Variants in PEX14 observed in about 807,000 individuals in gnomAD.
PEX14 encodes peroxisomal membrane protein PEX14.
In PEX14, 15 loss-of-function variants were observed where a neutral mutation model predicts 49.5. That is an observed-to-expected ratio of 0.30 (90% CI 0.20 to 0.47). The LOEUF (loss-of-function observed/expected upper bound fraction) is 0.47, where lower values mean the gene tolerates loss of function less well. PEX14 is among the 20% of genes least tolerant of loss of function. The pLI, the probability that PEX14 is intolerant of heterozygous loss-of-function variation, is 1.00. For synonymous variants in PEX14, 210 were observed against 212.7 expected, an observed-to-expected ratio of 0.99 and a Z score of 0.11; for missense variants, 398 against 494.8, an observed-to-expected ratio of 0.80 and a Z score of 1.86.
chr1:10,566,149 G>C (rs999948249), intron 3 of PEX14, among the ~76,000 whole-genome samples: 1 of 152,176 alleles, frequency 6.6e-6, no homozygotes, highest in African/African-American at 2.4e-5. Flanking sequence ...TTGTTTTTCA[G>C]TTGTTCTCAG....
chr1:10,490,983 C>T (rs1641460862), intron 1 of PEX14, among the ~76,000 whole-genome samples: 1 of 151,852 alleles, frequency 6.6e-6, no homozygotes, highest in Admixed American at 6.6e-5. Context: ...GTGTGAACCA[C>T]CATGCCCGGC....
At chr1:10,595,984 G>A (rs1406653241) in intron 3 of PEX14, among the ~76,000 whole-genome samples, 1 of 152,200 alleles carries the variant, frequency 6.6e-6, no homozygotes, top group African/African-American at 2.4e-5. Context: ...CTCAATCTAA[G>A]ATCAGCAGTT....
intron 3 of PEX14, among the ~76,000 whole-genome samples, chr1:10,592,056 CT>C (rs1213287252): frequency 6.6e-6 from 1 of 152,072 alleles, no homozygotes; most frequent in Non-Finnish European, 1.5e-5. Flanking sequence ...AAGTTGATTC[CT>C]TTTTTTAAAC....
intron 3 of PEX14, among the ~76,000 whole-genome samples, chr1:10,569,663 C>A (rs1443416445): frequency 2.0e-5 from 3 of 152,138 alleles, no homozygotes; most frequent in Admixed American, 2.0e-4. Context: ...TTTTTTAGAT[C>A]CAGTATCTGA....
chr1:10,582,774 C>T (rs1334344280), intron 3 of PEX14, among the ~76,000 whole-genome samples: 1 of 152,180 alleles, frequency 6.6e-6, no homozygotes, highest in Non-Finnish European at 1.5e-5. Context: ...CACTCTGTAG[C>T]CCAGGCTGGA....
At chr1:10,559,655 G>C (rs997060720) in intron 3 of PEX14, among the ~76,000 whole-genome samples, 3 of 152,138 alleles carry the variant, frequency 2.0e-5, no homozygotes, top group African/African-American at 7.2e-5. Flanking sequence ...TGAGTGGAAA[G>C]GGCAAGTTTT....
intron 2 of PEX14, among the ~76,000 whole-genome samples, chr1:10,508,909 A>G (rs942037247): frequency 1.3e-5 from 2 of 151,236 alleles, no homozygotes; most frequent in Non-Finnish European, 2.9e-5. Context: ...TCCACTGCAG[A>G]GAGTGGCATT....
At chr1:10,627,423 CTG>C in intron 8 of PEX14, 60 bp downstream of exon 8, 1 of 1,220,206 alleles carries the variant, frequency 8.2e-7, no homozygotes. Context: ...ACTGGGAGCT[CTG>C]GGGCATGGGA....
At chr1:10,501,801 C>T (rs569934037) in intron 2 of PEX14, among the ~76,000 whole-genome samples, 10 of 152,018 alleles carry the variant, frequency 6.6e-5, no homozygotes, top group Non-Finnish European at 1.2e-4. Context: ...GCCTGTAGTC[C>T]TTGGGAGGCT....
At chr1:10,505,658 T>G (rs1188511044) in intron 2 of PEX14, among the ~76,000 whole-genome samples, 1 of 151,382 alleles carries the variant, frequency 6.6e-6, no homozygotes, top group African/African-American at 2.4e-5. Flanking sequence ...ATTACAGGTG[T>G]GAGCCACCCG....
At chr1:10,563,959 C>T (rs1206787078) in intron 3 of PEX14, among the ~76,000 whole-genome samples, 1 of 151,686 alleles carries the variant, frequency 6.6e-6, no homozygotes, top group African/African-American at 2.4e-5. Flanking sequence ...CTTCTATTGT[C>T]ATCTTTCAGT....
intron 3 of PEX14, among the ~76,000 whole-genome samples, chr1:10,564,371 C>T (rs1199049274): frequency 6.6e-6 from 1 of 151,470 alleles, no homozygotes; most frequent in Non-Finnish European, 1.5e-5. Flanking sequence ...GCTGTTAAAC[C>T]TGTCTGTTGA....
intron 1 of PEX14, among the ~76,000 whole-genome samples, chr1:10,486,869 A>T (rs928355658): frequency 1.3e-5 from 2 of 151,646 alleles, no homozygotes; most frequent in Non-Finnish European, 2.9e-5. Context: ...TTGTGTTTTT[A>T]GTAGAGATGG....
At chr1:10,534,741 T>C (rs566270755) in intron 2 of PEX14, among the ~76,000 whole-genome samples, 1 of 152,298 alleles carries the variant, frequency 6.6e-6, no homozygotes, top group African/African-American at 2.4e-5. Flanking sequence ...CAAGGGACAC[T>C]AGTATGTCCT....
chr1:10,526,995 C>T (rs1166091581), intron 2 of PEX14, among the ~76,000 whole-genome samples: 1 of 152,046 alleles, frequency 6.6e-6, no homozygotes, highest in Non-Finnish European at 1.5e-5. Context: ...GGGCAGATCA[C>T]TTGAGGTTAG....
rs2506893 is a variant in PEX14 at position 10,539,156 on chromosome 1, T to G, written c.169+2859T>G. On this transcript the variant is annotated intron_variant, in intron 3 of 8. Coordinates refer to ENST00000356607, the MANE Select transcript of PEX14 (RefSeq NM_004565.3). The surrounding 1 kb of genome is among the most constrained non-coding windows in gnomAD (Gnocchi z 4.6). ...GCTGCATCCTGTCCGTGTTACCGAC[T>G]GGTTAAGTGTTGTGCTCTGTGACTT... 0.97 allele frequency among the ~76,000 whole-genome samples: 147,917 copies of G among 152,220 alleles called. 72,005 individuals carry two copies. The highest frequency in any genetic ancestry group is 1 in the East Asian group (5,180 of 5,180).
chr1:10,512,925 G>A lies in PEX14; in HGVS notation c.84+17604G>A, dbSNP rs763440276. On this transcript the variant is annotated intron_variant, in intron 2 of 8. Coordinates refer to ENST00000356607, the MANE Select transcript of PEX14 (RefSeq NM_004565.3). This position sits in a 1 kb window ranked among gnomAD's most constrained non-coding sequence, Gnocchi z 4.6. ...TGTTAGCTGGGATGGTCTGGATCTC[G>A]TGACCTCGTGATCCACCCACCTTGG... Among the ~76,000 whole-genome samples, 1 of 152,052 alleles carries A rather than the reference G, an allele frequency of 6.6e-6. No individual in the cohort carries two copies. Among genetic ancestry groups the A allele is most frequent in the East Asian group, 1.9e-4 (1 of 5,188 alleles).
chr1:10,534,524 G>C (rs1396400023), intron 2 of PEX14, among the ~76,000 whole-genome samples: 1 of 151,642 alleles, frequency 6.6e-6, no homozygotes. Context: ...AAATGCATCA[G>C]TGTTGTAGAT....
At chr1:10,522,155 CG>C (rs2124456708) in intron 2 of PEX14, among the ~76,000 whole-genome samples, 2 of 152,248 alleles carry the variant, frequency 1.3e-5, no homozygotes, top group East Asian at 3.9e-4. Flanking sequence ...TCTTACCAAA[CG>C]AAAGAGCAGA....
Sources: allele counts gnomAD v4.1 joint callset (sites outside exome capture counted in the v4.1 genomes callset), GRCh38; gene constraint gnomAD v4.1.1; non-coding constraint Gnocchi (gnomAD v3.1); transcripts MANE v1.5; gene names NCBI Gene and HGNC (gene_info 2026-07-23, HGNC 2026-07-21).